The following ADAMTS17 variants were observed in gnomAD, a reference collection of about 807,000 sequenced individuals.
ADAMTS17 encodes the protein ADAM metallopeptidase with thrombospondin type 1 motif 17.
Under a neutral mutation model 141.5 loss-of-function variants are expected in ADAMTS17, and 113 were observed. That is an observed-to-expected ratio of 0.80 (90% confidence interval 0.69 to 0.93). ADAMTS17 has a LOEUF of 0.93. Ranked by LOEUF, ADAMTS17 falls within the 40% of genes least tolerant of loss-of-function variation. The probability of loss-of-function intolerance (pLI) is 0.00; values close to 1 mark genes in which losing one functional copy is unlikely to be tolerated. For missense variants in ADAMTS17, 1,659 were observed against 1,517.9 expected (o/e 1.09, Z -1.54); for synonymous variants, 768 against 630.6 (o/e 1.22, Z -3.27).
chr15:100,228,566 T>A (rs1017224573), intron 7 of ADAMTS17, among the ~76,000 whole-genome samples: 1 of 152,122 alleles, frequency 6.6e-6, no homozygotes, highest in Non-Finnish European at 1.5e-5. Context: ...AGCAGGTACA[T>A]TTAGGGCAGG....
intron 9 of ADAMTS17, 144 bp from the exon 10 acceptor site, chr15:100,152,906 A>G: frequency 1.6e-6 from 1 of 635,420 alleles, no homozygotes; most frequent in Non-Finnish European, 2.1e-6. Context: ...GGCACTGGAC[A>G]CACAGACTGC....
rs539210721 is a variant in ADAMTS17 at position 100,073,735 on chromosome 15, G to A, written c.2138-19681C>T. On this transcript the variant is annotated intron_variant, in intron 15 of 21. Transcript: ENST00000268070. Reference sequence around the variant, plus strand: ...CAATGAGAACACATGGATACAGGAAGGGGAACATCACACACTGGGGACTGT... The same window carrying A: ...CAATGAGAACACATGGATACAGGAAAGGGAACATCACACACTGGGGACTGT... Among the ~76,000 whole-genome samples the A allele has an allele frequency of 5.9e-5, 7 of 119,356 alleles. No individual in the cohort carries two copies. The South Asian group carries it at 2.1e-3, about 35-fold the overall frequency. 78.3% of individuals were successfully genotyped at this position (119,356 alleles called of 152,430 possible). A position where few individuals can be genotyped will look rare whatever the true frequency, so the allele number is the denominator to read the frequency against.
chr15:100,115,149 C>T (rs1002729508), intron 13 of ADAMTS17, among the ~76,000 whole-genome samples: 1 of 152,190 alleles, frequency 6.6e-6, no homozygotes, highest in Non-Finnish European at 1.5e-5. Context: ...GGATTCAAGG[C>T]TGCTTCTCAT....
intron 18 of ADAMTS17, among the ~76,000 whole-genome samples, chr15:100,000,103 G>A (rs533290740): frequency 1.2e-4 from 19 of 152,288 alleles, no homozygotes; most frequent in South Asian, 2.1e-4. Flanking sequence ...CCTGAAGCCC[G>A]TGTAAATGTA....
intron 4 of ADAMTS17, among the ~76,000 whole-genome samples, chr15:100,271,509 T>C (rs1400794725): frequency 6.6e-6 from 1 of 152,222 alleles, no homozygotes; most frequent in Non-Finnish European, 1.5e-5. Flanking sequence ...TATCTTTCCA[T>C]GTACTTATTG....
chr15:100,184,532 G>C (rs1476066350), intron 8 of ADAMTS17, among the ~76,000 whole-genome samples: 1 of 152,198 alleles, frequency 6.6e-6, no homozygotes, highest in African/African-American at 2.4e-5. Flanking sequence ...CCATTATACA[G>C]ACGAGGACAC....
intron 10 of ADAMTS17, among the ~76,000 whole-genome samples, chr15:100,150,938 C>T (rs562272815): frequency 2.0e-5 from 3 of 152,368 alleles, no homozygotes; most frequent in Admixed American, 6.5e-5. Context: ...CGGTGCCATC[C>T]GTGCACTGCA....
At chr15:100,333,779 T>C (rs1596545340) in intron 2 of ADAMTS17, among the ~76,000 whole-genome samples, 2 of 152,210 alleles carry the variant, frequency 1.3e-5, no homozygotes, top group African/African-American at 4.8e-5. Context: ...TTCTGTCCCA[T>C]TGATGGCGAT....
intron 13 of ADAMTS17, among the ~76,000 whole-genome samples, chr15:100,116,153 A>AAAAAAAAAC (rs1567201105): frequency 9.3e-5 from 14 of 151,268 alleles, no homozygotes; most frequent in African/African-American, 3.2e-4. Flanking sequence ...AAAAAAAAAA[A>AAAAAAAAAC]AAAAACCCAA....
At chr15:100,004,476 T>C (rs1450351567) in intron 18 of ADAMTS17, among the ~76,000 whole-genome samples, 4 of 152,232 alleles carry the variant, frequency 2.6e-5, no homozygotes, top group Admixed American at 6.5e-5. Flanking sequence ...AAAGGAACTG[T>C]AGTTCCGTAA....
intron 10 of ADAMTS17, among the ~76,000 whole-genome samples, chr15:100,139,423 CA>C (rs138259548): frequency 0.013 from 1,982 of 152,278 alleles, 37 homozygotes; most frequent in African/African-American, 0.044. Flanking sequence ...TTGTCACAAC[CA>C]GGGGGAGTGC....
chr15:100,198,471 C>T lies in ADAMTS17; in HGVS notation c.1181+847G>A, dbSNP rs2041203572. Among the ~76,000 whole-genome samples the T allele has an allele frequency of 2.0e-5, 3 of 152,192 alleles. No individual in the cohort carries two copies. The South Asian group carries it at 6.2e-4, about 31-fold the overall frequency. ...GAAACCTTTACAATAATTTTTCCCC[C>T]AAGAACTAGATTTCCATTTACTTAT... is the stretch of plus-strand genomic sequence containing the variant. On this transcript the variant is annotated intron_variant, in intron 8 of 21. Coordinates refer to ENST00000268070, the MANE Select transcript of ADAMTS17 (RefSeq NM_139057.4).
At chr15:100,323,488 G>A (rs945985992) in intron 3 of ADAMTS17, among the ~76,000 whole-genome samples, 9 of 152,178 alleles carry the variant, frequency 5.9e-5, no homozygotes, top group African/African-American at 2.2e-4. Flanking sequence ...CCCTACAGGT[G>A]TGCTTACAGG....
rs115114524 is a variant in ADAMTS17, at chr15:100,219,548, T to C, written c.1076-20125A>G. On this transcript the variant is annotated intron_variant, in intron 7 of 21. Coordinates refer to ENST00000268070, the MANE Select transcript of ADAMTS17 (RefSeq NM_139057.4). ...ATCAGAGAGCGTTATCGTCCTCAGATAGGGCTTCTTCTATCTCAAACCCAG... is the reference window on the plus strand; with the variant it reads ...ATCAGAGAGCGTTATCGTCCTCAGACAGGGCTTCTTCTATCTCAAACCCAG... 2.9e-3 allele frequency among the ~76,000 whole-genome samples: 449 copies of C among 152,298 alleles called. 4 individuals are homozygous for C. The highest frequency in any genetic ancestry group is 0.01 in the African/African-American group (421 of 41,556).
intron 1 of ADAMTS17, 67 bp from the exon 2 acceptor site, chr15:100,341,476 G>A: frequency 4.0e-6 from 4 of 1,000,970 alleles, no homozygotes; most frequent in Non-Finnish European, 4.8e-6. Context: ...CCCGCTGGCC[G>A]CCAGCCGCGC....
rs576710509 is a variant in ADAMTS17, at chr15:100,218,100, T to C, written c.1076-18677A>G. Among the ~76,000 whole-genome samples the C allele has an allele frequency of 4.6e-5, 7 of 152,262 alleles. No individual in the cohort carries two copies. In the East Asian group the frequency reaches 9.7e-4, roughly 21 times the overall value. ...GTTGCCCAGGCTAGTCTCAAACTCC[T>C]GGGCTCAAGTGATCTGCCCACCTCA... On this transcript the variant is annotated intron_variant, in intron 7 of 21. Coordinates refer to ENST00000268070, the MANE Select transcript of ADAMTS17 (RefSeq NM_139057.4).
At chr15:100,126,894 G>C (rs1446928418) in intron 12 of ADAMTS17, among the ~76,000 whole-genome samples, 1 of 152,190 alleles carries the variant, frequency 6.6e-6, no homozygotes, top group Non-Finnish European at 1.5e-5. Flanking sequence ...CAAAACAAGT[G>C]AGCAAATACA....
At chr15:100,297,148 A>G (rs2044851871) in intron 3 of ADAMTS17, among the ~76,000 whole-genome samples, 1 of 152,184 alleles carries the variant, frequency 6.6e-6, no homozygotes, top group Admixed American at 6.5e-5. Context: ...GGAGGAGTCC[A>G]GAGAGTGGGA....
intron 18 of ADAMTS17, among the ~76,000 whole-genome samples, chr15:100,002,620 A>G (rs1596200912): frequency 6.6e-6 from 1 of 152,098 alleles, no homozygotes; most frequent in South Asian, 2.1e-4. Context: ...AGGAACGTGG[A>G]AAAAGCAAAA....
Sources: gnomAD v4.1 joint callset for allele counts (sites outside exome capture counted in the v4.1 genomes callset) on GRCh38, gnomAD v4.1.1 for gene constraint, MANE v1.5 for transcripts, NCBI Gene and HGNC (gene_info 2026-07-23, HGNC 2026-07-21) for gene names.